The following DGKZ variants were observed in gnomAD, a reference collection of about 807,000 sequenced individuals.
DGKZ encodes the protein diacylglycerol kinase zeta.
In DGKZ, 45 loss-of-function variants were observed where a neutral mutation model predicts 142.5. That is an observed-to-expected ratio of 0.32 (90% CI 0.25 to 0.40). DGKZ has a LOEUF of 0.40. Among genes scored for constraint, DGKZ ranks in the 10% least tolerant of loss-of-function variants. The pLI, the probability that DGKZ is intolerant of heterozygous loss-of-function variation, is 1.00. For missense variants in DGKZ, 755 were observed against 1,306.5 expected (o/e 0.58, Z 6.51); for synonymous variants, 442 against 527.0 (o/e 0.84, Z 2.21).
At chr11:46,356,846 T>C (rs1267878182) in intron 1 of DGKZ, among the ~76,000 whole-genome samples, 1 of 152,138 alleles carries the variant, frequency 6.6e-6, no homozygotes, top group East Asian at 1.9e-4. Context: ...ATACCAACTA[T>C]TCTTAGGAGG....
chr11:46,348,068 C>T (rs1377108252), intron 1 of DGKZ, among the ~76,000 whole-genome samples: 1 of 152,156 alleles, frequency 6.6e-6, no homozygotes, highest in African/African-American at 2.4e-5. Context: ...TCCCTGGCAC[C>T]GGCAGTCTAG....
intron 1 of DGKZ, chr11:46,366,418 C>T (rs777168015): frequency 1.3e-6 from 2 of 1,537,106 alleles, no homozygotes; most frequent in East Asian, 2.4e-5. Context: ...GCTCCAGCGC[C>T]CAGCTCCAGG....
Position 46,367,128 on chromosome 11 carries a change from G to A in DGKZ, c.162-163G>A, listed in dbSNP as rs1943400047. ...ACCCTGAAGCCAGCGTACCCCAAAAGGCCATGTCTCTTGCAGGGAGCCTCT... is the reference window on the plus strand; with the variant it reads ...ACCCTGAAGCCAGCGTACCCCAAAAAGCCATGTCTCTTGCAGGGAGCCTCT... On this transcript the variant is annotated intron_variant, in intron 1 of 30. Coordinates refer to ENST00000527911, the Ensembl canonical transcript of DGKZ. This position sits in a 1 kb window ranked among gnomAD's most constrained non-coding sequence, Gnocchi z 4.1. The A allele has an allele frequency of 3.1e-6, 4 of 1,284,274 alleles. No homozygotes were observed. The highest frequency in any genetic ancestry group is 4.4e-6 in the Non-Finnish European group (4 of 917,054). 79.6% of individuals were successfully genotyped at this position (1,284,274 alleles called of 1,614,324 possible). A position where few individuals can be genotyped will look rare whatever the true frequency, so the allele number is the denominator to read the frequency against.
Position 46,367,626 on chromosome 11 carries a change from G to A in DGKZ, c.271-26G>A. ...AGGGAGGGCTGGGCGGCCAGCGTGTGCTGAGCAAGCCCATCCCGTGGCTAG... is the reference window on the plus strand; with the variant it reads ...AGGGAGGGCTGGGCGGCCAGCGTGTACTGAGCAAGCCCATCCCGTGGCTAG... On this transcript the variant is annotated intron_variant, in intron 2 of 30. Transcript: ENST00000527911. The surrounding 1 kb of genome is among the most constrained non-coding windows in gnomAD (Gnocchi z 4.1). 1 of 1,576,566 alleles carries A rather than the reference G, an allele frequency of 6.3e-7. No individual in the cohort carries two copies.
intron 27 of DGKZ, chr11:46,378,725 C>T (rs1944854281): frequency 9.5e-6 from 8 of 839,554 alleles, no homozygotes; most frequent in African/African-American, 3.3e-5. Flanking sequence ...TCCACCTGTC[C>T]CTGGTGCTTA....
chr11:46,366,903 G>A (rs751135725), intron 1 of DGKZ: 32 of 1,547,842 alleles, frequency 2.1e-5, no homozygotes, highest in East Asian at 1.2e-4. Flanking sequence ...CTGCCCACCC[G>A]TGTGCGCCCA....
At chr11:46,350,471 T>C (rs912529991) in intron 1 of DGKZ, among the ~76,000 whole-genome samples, 31 of 152,126 alleles carry the variant, frequency 2.0e-4, no homozygotes, top group Admixed American at 4.6e-4. Context: ...TTCTCCCCAG[T>C]CATCCACCCC....
chr11:46,376,903 G>A lies in DGKZ; in HGVS notation c.2203-170G>A, dbSNP rs1944611786. ...TGGTAAAGTCTGGGCAGTCGGAGGAGGTGTCAGGAATGGGAAGGAGTGGGA... is the reference window on the plus strand; with the variant it reads ...TGGTAAAGTCTGGGCAGTCGGAGGAAGTGTCAGGAATGGGAAGGAGTGGGA... On this transcript the variant is annotated intron_variant, in intron 24 of 30. Transcript: ENST00000527911. 29 of 666,482 alleles carry A rather than the reference G, an allele frequency of 4.4e-5. No individual in the cohort carries two copies. The South Asian group carries it at 5.5e-4, about 13-fold the overall frequency. 41.3% of individuals were successfully genotyped at this position (666,482 alleles called of 1,614,324 possible).
intron 26 of DGKZ, 57 bp from the exon 27 acceptor site, chr11:46,378,400 G>T: frequency 3.2e-6 from 5 of 1,558,954 alleles, no homozygotes; most frequent in Non-Finnish European, 4.3e-6. Context: ...GTCCACTGAG[G>T]CACCAACCCA....
intron 1 of DGKZ, chr11:46,366,235 GC>G (rs777548524): frequency 6.4e-7 from 1 of 1,553,886 alleles, no homozygotes; most frequent in East Asian, 2.3e-5. Context: ...CGGTCTCTGT[GC>G]CCAACAGCCA....
intron 1 of DGKZ, among the ~76,000 whole-genome samples, chr11:46,336,332 G>A (rs1018781626): frequency 6.6e-6 from 1 of 152,202 alleles, no homozygotes; most frequent in African/African-American, 2.4e-5. Flanking sequence ...AGGCAGGGGA[G>A]GGGGGAAGGG....
At chr11:46,377,341 G>C (rs889938918) in intron 25 of DGKZ, 129 bp downstream of exon 25, 70 of 1,423,428 alleles carry the variant, frequency 4.9e-5, no homozygotes, top group Admixed American at 9.3e-5. Flanking sequence ...CCTGGCCAAA[G>C]CCCACCTGAC....
chr11:46,358,344 T>G (rs1942273671), intron 1 of DGKZ, among the ~76,000 whole-genome samples: 2 of 152,254 alleles, frequency 1.3e-5, no homozygotes, highest in South Asian at 4.1e-4. Flanking sequence ...TAAGGCACCT[T>G]TGCTGCAAAC....
intron 27 of DGKZ, 129 bp from the exon 28 acceptor site, chr11:46,378,862 A>T (rs956385047): frequency 1.8e-5 from 25 of 1,393,930 alleles, no homozygotes; most frequent in Admixed American, 7.6e-5. Flanking sequence ...GAGGCAACTC[A>T]GGAGTAAGAT....
intron 6 of DGKZ, 152 bp from the exon 7 acceptor site, chr11:46,371,161 T>G (rs1329742239): frequency 1.5e-6 from 1 of 671,442 alleles, no homozygotes; most frequent in African/African-American, 1.8e-5. Flanking sequence ...TTGGGGGGGC[T>G]GAGGCAGATT....
Position 46,372,407 on chromosome 11 carries a change from T to A in DGKZ, c.928-21T>A. 5 of 1,613,624 alleles carry A rather than the reference T, an allele frequency of 3.1e-6. No individual in the cohort carries two copies. Among genetic ancestry groups the A allele is most frequent in the Non-Finnish European group, 4.2e-6 (5 of 1,179,680 alleles). ...CGTCCCACCACTGCCTGACTGTCTCTTGGCTCCCCATCCCATCCAGGGTGC... is the reference window on the plus strand; with the variant it reads ...CGTCCCACCACTGCCTGACTGTCTCATGGCTCCCCATCCCATCCAGGGTGC... On this transcript the variant is annotated intron_variant, in intron 10 of 30. Transcript: ENST00000527911. The surrounding 1 kb of genome is among the most constrained non-coding windows in gnomAD (Gnocchi z 5.9).
At chr11:46,348,683 T>C (rs1940981576) in intron 1 of DGKZ, among the ~76,000 whole-genome samples, 1 of 152,098 alleles carries the variant, frequency 6.6e-6, no homozygotes, top group Admixed American at 6.5e-5. Flanking sequence ...AAAGACTGAG[T>C]GCAGGCAGTT....
rs767966196 is a variant in DGKZ, at chr11:46,372,699, G to A, written c.1071+22G>A. 21 of 1,612,628 alleles carry A rather than the reference G, an allele frequency of 1.3e-5. No homozygotes were observed. The highest frequency in any genetic ancestry group is 1.6e-5 in the Non-Finnish European group (19 of 1,179,688). On this transcript the variant is annotated intron_variant, in intron 12 of 30. Transcript: ENST00000527911. This position sits in a 1 kb window ranked among gnomAD's most constrained non-coding sequence, Gnocchi z 5.9. ...CACGGTGAGCTCCCCGCATGGGCCA[G>A]CCGAGCACCAGGGCTGGGCCTGAAG...
chr11:46,359,150 T>A lies in DGKZ; in HGVS notation c.162-8141T>A, dbSNP rs1377920846. 3.1e-5 allele frequency among the ~76,000 whole-genome samples: 4 copies of A among 129,198 alleles called. 1 individual carries two copies. The highest frequency in any genetic ancestry group is 8.9e-5 in the African/African-American group (3 of 33,766). 84.8% of individuals were successfully genotyped at this position (129,198 alleles called of 152,430 possible). ...GCAAGACTGTATCTCAAAAAAAAAATAATAAAATAAGGCCAGGTGCTGTGA... is the reference window on the plus strand; with the variant it reads ...GCAAGACTGTATCTCAAAAAAAAAAAAATAAAATAAGGCCAGGTGCTGTGA... On this transcript the variant is annotated intron_variant, in intron 1 of 30. Transcript: ENST00000527911.
Sources: allele counts gnomAD v4.1 joint callset (sites outside exome capture counted in the v4.1 genomes callset), GRCh38; gene constraint gnomAD v4.1.1; non-coding constraint Gnocchi (gnomAD v3.1); transcripts MANE v1.5; gene names NCBI Gene and HGNC (gene_info 2026-07-23, HGNC 2026-07-21).